Variants in DYSF observed in about 807,000 individuals in gnomAD.
The protein encoded by DYSF is dysferlin, also known as dystrophy-associated fer-1-like 1.
DYSF carries 212 observed loss-of-function variants against 274.9 expected under a neutral mutation model. The ratio of observed to expected loss-of-function variants is 0.77; its 90% confidence interval spans 0.69 to 0.86. DYSF has a LOEUF of 0.86. Ranked by LOEUF, DYSF falls within the 40% of genes least tolerant of loss-of-function variation. The probability of loss-of-function intolerance (pLI) is 0.00; values close to 1 mark genes in which losing one functional copy is unlikely to be tolerated. For synonymous variants in DYSF, 1,091 were observed against 1,078.7 expected, an observed-to-expected ratio of 1.01 and a Z score of -0.22; for missense variants, 2,666 against 2,783.2, an observed-to-expected ratio of 0.96 and a Z score of 0.95.
At position 71,656,259 on chromosome 2, in the gene DYSF, C is replaced by G. The variant is rs539970267; in HGVS notation, c.4724C>G (p.Thr1575Arg). ...TACCGGGGCAAGACGCAGGAGGAGA[C>G]AGAAGATCCATCTGTGATTGGTGAA... ...KLYRGKTQEE[T>R]EDPSVIGEFK... is the part of the protein sequence containing the mutation. Residue 1575 changes from threonine to arginine, a missense_variant, in exon 43 of 56, where the codon ACA becomes AGA. Around this residue, in one of 3 missense-constraint regions of DYSF, gnomAD observed 1,460 missense variants for 1,502.1 expected, o/e 0.97. Transcript: ENST00000410020. 3 of 1,614,206 alleles carry G rather than the reference C, an allele frequency of 1.9e-6. No individual in the cohort carries two copies. The highest frequency in any genetic ancestry group is 1.3e-5 in the African/African-American group (1 of 75,058).
rs2090905775 is a variant in DYSF, at chr2:71,551,030, G to T, written c.1577-11G>T. On this transcript the variant is annotated splice_polypyrimidine_tract_variant and intron_variant, in intron 17 of 55. Transcript: ENST00000410020. ...GGGCCGACCCCTCTGATTGCCACTT[G>T]TGTCTCCCAGTGGATGACTACCTGG... 15 of 1,613,350 alleles carry T rather than the reference G, an allele frequency of 9.3e-6. No homozygotes were observed. The highest frequency in any genetic ancestry group is 1.3e-5 in the Non-Finnish European group (15 of 1,179,304).
chr2:71,618,026 G>A (rs1175220110), intron 40 of DYSF, among the ~76,000 whole-genome samples: 1 of 132,508 alleles, frequency 7.5e-6, no homozygotes, highest in African/African-American at 2.8e-5. Flanking sequence ...GGGTGTGTGT[G>A]TGTGGTAGAG....
At chr2:71,482,085 C>T (rs1431548073) in intron 3 of DYSF, 115 bp downstream of exon 3, 1 of 801,654 alleles carries the variant, frequency 1.2e-6, no homozygotes, top group African/African-American at 1.7e-5. Flanking sequence ...AGCATTTATC[C>T]ACCTCCTCCC....
At chr2:71,674,750 G>C (rs538770419) in intron 52 of DYSF, among the ~76,000 whole-genome samples, 2 of 152,332 alleles carry the variant, frequency 1.3e-5, no homozygotes, top group African/African-American at 4.8e-5. Flanking sequence ...GTTCTAGTGG[G>C]AAGGGCTGTG....
chr2:71,632,139 A>G (rs74729636), intron 41 of DYSF, among the ~76,000 whole-genome samples: 3,313 of 152,276 alleles, frequency 0.022, 112 homozygotes, highest in African/African-American at 0.074. Flanking sequence ...ATGTCTTCCT[A>G]TCTCTATTGG....
Position 71,620,510 on chromosome 2 carries a change from T to C in DYSF, c.4465-37T>C, listed in dbSNP as rs751024979. 25 of 1,551,476 alleles carry C rather than the reference T, an allele frequency of 1.6e-5. No homozygotes were observed. The Admixed American group carries it at 3.5e-4, about 22-fold the overall frequency. ...GTCCAGCCTTCCCTAAAGTGGGTTCTCTAATCCTGTTGCTAACCAGCATGT... is the reference window on the plus strand; with the variant it reads ...GTCCAGCCTTCCCTAAAGTGGGTTCCCTAATCCTGTTGCTAACCAGCATGT... On this transcript the variant is annotated intron_variant, in intron 40 of 55. Coordinates refer to ENST00000410020, the MANE Select transcript of DYSF (RefSeq NM_001130987.2).
At chr2:71,599,789 G>A in intron 33 of DYSF, among the ~76,000 whole-genome samples, 2 of 152,330 alleles carry the variant, frequency 1.3e-5, no homozygotes, top group South Asian at 4.1e-4. Flanking sequence ...CAGGTTCCCT[G>A]GGTGGGTGTG....
At chr2:71,523,989 C>G (rs1034936126) in intron 12 of DYSF, among the ~76,000 whole-genome samples, 1 of 152,176 alleles carries the variant, frequency 6.6e-6, no homozygotes, top group African/African-American at 2.4e-5. Flanking sequence ...AGCCTAGTTT[C>G]CCAATCCCAC....
At chr2:71,479,213 G>A (rs942768043) in intron 1 of DYSF, among the ~76,000 whole-genome samples, 13 of 110,444 alleles carry the variant, frequency 1.2e-4, no homozygotes, top group African/African-American at 3.5e-4. Flanking sequence ...ATTGTCTGTT[G>A]AGCGCCCCAT....
chr2:71,463,287 A>T (rs1573255434), upstream of DYSF, among the ~76,000 whole-genome samples: 2 of 152,206 alleles, frequency 1.3e-5, no homozygotes, highest in South Asian at 2.1e-4. Flanking sequence ...GCTTGGACAC[A>T]ACTTTGCTCC....
At chr2:71,581,710 C>A (rs2092904050) in intron 30 of DYSF, among the ~76,000 whole-genome samples, 1 of 152,210 alleles carries the variant, frequency 6.6e-6, no homozygotes, top group African/African-American at 2.4e-5. Context: ...CCAGGGAAGA[C>A]CTTAACCTCT....
intron 48 of DYSF, 54 bp downstream of exon 48, chr2:71,667,569 C>T: frequency 6.2e-7 from 1 of 1,609,978 alleles, no homozygotes; most frequent in Non-Finnish European, 8.5e-7. Flanking sequence ...AAGCCCCAAC[C>T]CCAGGGACAA....
intron 22 of DYSF, among the ~76,000 whole-genome samples, chr2:71,556,889 C>G (rs779037630): frequency 6.6e-6 from 1 of 152,226 alleles, no homozygotes; most frequent in African/African-American, 2.4e-5. Flanking sequence ...TCCCATACGC[C>G]TCATCACCCC....
chr2:71,668,019 A>G (rs764270365), intron 48 of DYSF, among the ~76,000 whole-genome samples: 1 of 152,100 alleles, frequency 6.6e-6, no homozygotes, highest in African/African-American at 2.4e-5. Context: ...CCACAGAGAC[A>G]GCAGCCTTGG....
At chr2:71,505,261 G>A (rs1559026620) in intron 4 of DYSF, among the ~76,000 whole-genome samples, 1 of 152,224 alleles carries the variant, frequency 6.6e-6, no homozygotes, top group Non-Finnish European at 1.5e-5. Flanking sequence ...ACTGTAGTGC[G>A]AGGCAGGGAT....
chr2:71,548,159 C>T (rs995232379), intron 17 of DYSF, among the ~76,000 whole-genome samples: 4 of 152,212 alleles, frequency 2.6e-5, no homozygotes, highest in African/African-American at 9.7e-5. Context: ...GGCTGGCATT[C>T]ATAGCTGAGG....
chr2:71,508,460 T>C (rs985305206), intron 4 of DYSF, among the ~76,000 whole-genome samples: 2 of 152,262 alleles, frequency 1.3e-5, no homozygotes, highest in Admixed American at 6.5e-5. Context: ...TTCTTCAGTT[T>C]CCTTCCATTT....
intron 1 of DYSF, among the ~76,000 whole-genome samples, chr2:71,479,260 G>A (rs559010203): frequency 6.6e-6 from 1 of 151,836 alleles, no homozygotes; most frequent in South Asian, 2.1e-4. Flanking sequence ...AGTGCCCAGG[G>A]CACTGCAGAA....
At chr2:71,616,501 C>A (rs2093887958) in intron 40 of DYSF, among the ~76,000 whole-genome samples, 1 of 151,600 alleles carries the variant, frequency 6.6e-6, no homozygotes, top group Non-Finnish European at 1.5e-5. Flanking sequence ...GTGGTAGGAG[C>A]AGGTGTGTGC....
Sources: allele counts gnomAD v4.1 joint callset (sites outside exome capture counted in the v4.1 genomes callset), GRCh38; gene constraint gnomAD v4.1.1; regional missense constraint gnomAD v4.1.1; transcripts MANE v1.5; gene names NCBI Gene and HGNC (gene_info 2026-07-23, HGNC 2026-07-21).